The following PDE4D variants were observed in gnomAD, a reference collection of about 807,000 sequenced individuals.
The protein encoded by PDE4D is phosphodiesterase 4D.
In PDE4D, 24 loss-of-function variants were observed where a neutral mutation model predicts 87.4. That is an observed-to-expected ratio of 0.27 (90% CI 0.20 to 0.39). PDE4D has a LOEUF of 0.39. Ranked by LOEUF, PDE4D falls within the 10% of genes least tolerant of loss-of-function variation. The pLI is 1.00. For missense variants in PDE4D, 714 were observed against 1,041.0 expected, an observed-to-expected ratio of 0.69 and a Z score of 4.32; for synonymous variants, 384 against 383.2, an observed-to-expected ratio of 1.00 and a Z score of -0.02.
intron 5 of PDE4D, chr5:59,091,020 T>C (rs1206925490): frequency 2.4e-6 from 1 of 420,662 alleles, no homozygotes; most frequent in Non-Finnish European, 4.7e-6. Flanking sequence ...CATGAAGAGC[T>C]ACAACAACAA....
chr5:59,225,233 CCCAATACCATTTT>C lies in PDE4D; in HGVS notation c.456-9278_456-9266del, dbSNP rs1345520012. 6.6e-5 allele frequency among the ~76,000 whole-genome samples: 10 copies of C among 152,150 alleles called. No homozygotes were observed. In the South Asian group the frequency reaches 1.7e-3, roughly 25 times the overall value. ...CTTTTGCATGTGAATATCTAGTTTC[CCCAATACCATTTT>C]CCAATACCATTCAAGACTTTTCTTC... On this transcript the variant is annotated intron_variant, in intron 1 of 14. Transcript: ENST00000340635.
chr5:59,207,288 G>C (rs1310748694), intron 2 of PDE4D, among the ~76,000 whole-genome samples: 1 of 152,064 alleles, frequency 6.6e-6, no homozygotes, highest in Non-Finnish European at 1.5e-5. Flanking sequence ...GAGGGAAGAG[G>C]GTTGAGATAA....
At chr5:59,807,595 T>C (rs779473493) in intron 1 of PDE4D, among the ~76,000 whole-genome samples, 11 of 152,000 alleles carry the variant, frequency 7.2e-5, no homozygotes, top group Non-Finnish European at 1.6e-4. Flanking sequence ...CACTGAGGGA[T>C]TGGAATTGCT....
intron 1 of PDE4D, among the ~76,000 whole-genome samples, chr5:60,419,443 T>C (rs1026157969): frequency 1.3e-5 from 2 of 151,898 alleles, no homozygotes; most frequent in Admixed American, 1.3e-4. Flanking sequence ...GAGGATTTCA[T>C]ATATATCTAA....
intron 2 of PDE4D, among the ~76,000 whole-genome samples, chr5:60,136,816 CT>C (rs1780088963): frequency 6.6e-6 from 1 of 152,068 alleles, no homozygotes; most frequent in Non-Finnish European, 1.5e-5. Context: ...TACTTTACAA[CT>C]TTAAGTTCAT....
intron 3 of PDE4D, among the ~76,000 whole-genome samples, chr5:59,960,689 A>T (rs868586350): frequency 1.3e-5 from 2 of 152,088 alleles, no homozygotes; most frequent in Non-Finnish European, 2.9e-5. Flanking sequence ...GGGAACAGTG[A>T]CACAAGGAAC....
At chr5:59,509,261 A>G (rs1370712521) in intron 1 of PDE4D, among the ~76,000 whole-genome samples, 3 of 151,982 alleles carry the variant, frequency 2.0e-5, no homozygotes, top group African/African-American at 7.2e-5. Context: ...GAAGAGAAGT[A>G]GTTGTCAACC....
intron 1 of PDE4D, among the ~76,000 whole-genome samples, chr5:60,444,687 C>T (rs941939094): frequency 2.0e-5 from 3 of 151,708 alleles, no homozygotes; most frequent in Non-Finnish European, 2.9e-5. Flanking sequence ...TGTGAAACAG[C>T]AGACTGGATA....
chr5:59,786,564 C>T (rs2152637319), intron 1 of PDE4D, among the ~76,000 whole-genome samples: 1 of 152,334 alleles, frequency 6.6e-6, no homozygotes, highest in South Asian at 2.1e-4. Context: ...ATTCTGCTAC[C>T]TGCCTGTGGC....
intron 1 of PDE4D, among the ~76,000 whole-genome samples, chr5:60,381,542 A>G (rs1163268180): frequency 6.6e-6 from 1 of 152,220 alleles, no homozygotes; most frequent in East Asian, 1.9e-4. Flanking sequence ...AGTAGTGTAC[A>G]TGAGACAGGT....
intron 1 of PDE4D, among the ~76,000 whole-genome samples, chr5:59,557,279 G>A (rs1483978263): frequency 1.3e-5 from 2 of 152,098 alleles, no homozygotes; most frequent in African/African-American, 4.8e-5. Context: ...ACAACTATTG[G>A]AAATACCACA....
chr5:59,132,596 C>T (rs180689962), intron 5 of PDE4D, among the ~76,000 whole-genome samples: 1 of 152,214 alleles, frequency 6.6e-6, no homozygotes, highest in Admixed American at 6.5e-5. Flanking sequence ...GGGGAGCATG[C>T]AATTAACGAA....
At chr5:60,302,799 AT>A (rs1256410386) in intron 1 of PDE4D, among the ~76,000 whole-genome samples, 1 of 151,846 alleles carries the variant, frequency 6.6e-6, no homozygotes, top group East Asian at 1.9e-4. Context: ...TGATGTGGGA[AT>A]TTAGTGCTAT....
Position 59,195,894 on chromosome 5 carries a change from T to C in PDE4D, c.648-2358A>G, listed in dbSNP as rs140163125. ...AAATTGCAAAGACTCAGAAAACTGATACTTCGCTAAGAAGGACTCTTGAGA... is the reference window on the plus strand; with the variant it reads ...AAATTGCAAAGACTCAGAAAACTGACACTTCGCTAAGAAGGACTCTTGAGA... On this transcript the variant is annotated intron_variant, in intron 2 of 14. Coordinates refer to ENST00000340635, the MANE Select transcript of PDE4D (RefSeq NM_001104631.2). 6.0e-3 allele frequency among the ~76,000 whole-genome samples: 912 copies of C among 152,268 alleles called. 8 individuals carry two copies. Among genetic ancestry groups the C allele is most frequent in the African/African-American group, 0.02 (844 of 41,534 alleles).
intron 1 of PDE4D, among the ~76,000 whole-genome samples, chr5:59,708,554 GT>G (rs1431264808): frequency 3.3e-5 from 5 of 152,280 alleles, no homozygotes; most frequent in African/African-American, 1.2e-4. Flanking sequence ...CTTTATGATA[GT>G]TGTGGCTCCT....
intron 2 of PDE4D, among the ~76,000 whole-genome samples, chr5:60,115,199 G>A (rs978850296): frequency 6.6e-6 from 1 of 151,974 alleles, no homozygotes; most frequent in Non-Finnish European, 1.5e-5. Flanking sequence ...GAATTTCCAA[G>A]GTCTCCCTCT....
intron 1 of PDE4D, chr5:59,768,101 T>A (rs1051225359): frequency 9.7e-7 from 1 of 1,029,752 alleles, no homozygotes; most frequent in African/African-American, 1.6e-5. Flanking sequence ...TTGTGGGATT[T>A]ATGGTTAAGG....
At chr5:59,537,555 C>T (rs1487157712) in intron 1 of PDE4D, among the ~76,000 whole-genome samples, 2 of 152,020 alleles carry the variant, frequency 1.3e-5, no homozygotes, top group Non-Finnish European at 2.9e-5. Flanking sequence ...ATTAATTTTT[C>T]TGTCTGTGGC....
intron 1 of PDE4D, among the ~76,000 whole-genome samples, chr5:60,494,411 G>A (rs539388991): frequency 6.6e-6 from 1 of 152,312 alleles, no homozygotes; most frequent in East Asian, 1.9e-4. Context: ...GTCCAGTCCT[G>A]TGACTAAGGG....
Sources: gnomAD v4.1 joint callset for allele counts (sites outside exome capture counted in the v4.1 genomes callset) on GRCh38, gnomAD v4.1.1 for gene constraint, MANE v1.5 for transcripts, NCBI Gene and HGNC (gene_info 2026-07-23, HGNC 2026-07-21) for gene names.